Variants in CDH13 observed in about 807,000 individuals in gnomAD.
The protein encoded by CDH13 is cadherin 13, also known as cadherin-13.
In CDH13, 24 loss-of-function variants were observed where a neutral mutation model predicts 63.8. The ratio of observed to expected loss-of-function variants is 0.38; its 90% confidence interval spans 0.27 to 0.53. CDH13 has a LOEUF of 0.53. Ranked by LOEUF, CDH13 falls within the 20% of genes least tolerant of loss-of-function variation. The pLI is 0.85. For synonymous variants in CDH13, 503 were observed against 355.3 expected (o/e 1.42, Z -4.67); for missense variants, 1,049 against 903.1 (o/e 1.16, Z -2.07).
intron 4 of CDH13, among the ~76,000 whole-genome samples, chr16:83,165,673 T>TG (rs1345912058): frequency 1.3e-5 from 2 of 152,044 alleles, no homozygotes; most frequent in African/African-American, 4.8e-5. Context: ...CAGTGACATA[T>TG]GTGTAAGTTA....
intron 2 of CDH13, among the ~76,000 whole-genome samples, chr16:82,997,531 A>G (rs72792158): frequency 0.13 from 19,398 of 152,210 alleles, 1,619 homozygotes; most frequent in African/African-American, 0.24. Context: ...GGTTCTGTAC[A>G]TGCACAATAT....
At chr16:82,764,439 C>A (rs1214873469) in intron 1 of CDH13, among the ~76,000 whole-genome samples, 1 of 152,144 alleles carries the variant, frequency 6.6e-6, no homozygotes, top group East Asian at 1.9e-4. Context: ...AGTCTCAAAT[C>A]TATGTTCAGA....
chr16:83,675,343 C>T (rs954662650), intron 9 of CDH13, among the ~76,000 whole-genome samples: 1 of 152,166 alleles, frequency 6.6e-6, no homozygotes, highest in Admixed American at 6.5e-5. Context: ...TGGAAATAAA[C>T]ATTAGCATGG....
rs560680760 is a variant in CDH13 at position 83,543,685 on chromosome 16, G to A, written c.960+57030G>A. Among the ~76,000 whole-genome samples, 50 of 152,254 alleles carry A rather than the reference G, an allele frequency of 3.3e-4. No homozygotes were observed. The South Asian group carries it at 5.0e-3, about 15-fold the overall frequency. On this transcript the variant is annotated intron_variant, in intron 7 of 13. Coordinates refer to ENST00000567109, the MANE Select transcript of CDH13 (RefSeq NM_001257.5). ...TAGAGACATGTTTTGGTTGTCTGTCGTGAGAGCAGAGTGTATTCCCATTCC... is the reference window on the plus strand; with the variant it reads ...TAGAGACATGTTTTGGTTGTCTGTCATGAGAGCAGAGTGTATTCCCATTCC...
chr16:83,053,856 G>T (rs547662596), intron 3 of CDH13, among the ~76,000 whole-genome samples: 7 of 152,190 alleles, frequency 4.6e-5, no homozygotes, highest in Middle Eastern at 3.4e-3. Context: ...GACCCCGACC[G>T]GGTACCTGAA....
chr16:82,864,591 A>G (rs1368270045), intron 2 of CDH13, among the ~76,000 whole-genome samples: 1 of 151,994 alleles, frequency 6.6e-6, no homozygotes, highest in East Asian at 1.9e-4. Flanking sequence ...GCATAGAGAA[A>G]ACTGCCCCCG....
intron 3 of CDH13, among the ~76,000 whole-genome samples, chr16:83,123,060 A>G (rs1376192093): frequency 6.6e-6 from 1 of 151,968 alleles, no homozygotes; most frequent in Non-Finnish European, 1.5e-5. Flanking sequence ...CCTTTGGATC[A>G]TGTCTTCCGG....
At position 82,906,944 on chromosome 16, in the gene CDH13, C is replaced by G. The variant is rs147717406; in HGVS notation, c.157+48471C>G. 2.1e-3 allele frequency among the ~76,000 whole-genome samples: 313 copies of G among 152,226 alleles called. 1 individual carries two copies. The highest frequency in any genetic ancestry group is 6.9e-3 in the African/African-American group (286 of 41,542). On this transcript the variant is annotated intron_variant, in intron 2 of 13. Coordinates refer to ENST00000567109, the MANE Select transcript of CDH13 (RefSeq NM_001257.5). ...AGAGCCTACCCTAATCTAAAATGAC[C>G]GTAACTTTGTCACATCTGCAAAGGC...
chr16:83,200,460 A>G (rs2038993167), intron 4 of CDH13, among the ~76,000 whole-genome samples: 1 of 152,140 alleles, frequency 6.6e-6, no homozygotes, highest in Non-Finnish European at 1.5e-5. Context: ...CTCATCTTAC[A>G]CAGAACAGAT....
intron 1 of CDH13, among the ~76,000 whole-genome samples, chr16:82,710,233 TTATA>T (rs1457845244): frequency 2.6e-3 from 383 of 146,670 alleles, no homozygotes; most frequent in Non-Finnish European, 4.2e-3. Flanking sequence ...ATTCATAAAT[TTATA>T]TATAAATATA....
At chr16:83,744,487 C>T (rs1177623542) in intron 10 of CDH13, among the ~76,000 whole-genome samples, 1 of 152,248 alleles carries the variant, frequency 6.6e-6, no homozygotes, top group African/African-American at 2.4e-5. Context: ...GCAGCAAGGG[C>T]ATGTGGAAGC....
At chr16:83,173,371 T>A (rs893128511) in intron 4 of CDH13, among the ~76,000 whole-genome samples, 11 of 152,166 alleles carry the variant, frequency 7.2e-5, no homozygotes, top group African/African-American at 2.7e-4. Flanking sequence ...TCAGAGCTTT[T>A]AAATATGCTA....
chr16:83,532,565 C>G (rs11149575), intron 7 of CDH13, among the ~76,000 whole-genome samples: 57,879 of 152,142 alleles, frequency 0.38, 12,177 homozygotes, highest in Non-Finnish European at 0.46. Flanking sequence ...TGCATGGTAG[C>G]TTCTCCATAA....
At chr16:82,633,502 C>A (rs964341478) in intron 1 of CDH13, among the ~76,000 whole-genome samples, 2 of 152,212 alleles carry the variant, frequency 1.3e-5, no homozygotes, top group Non-Finnish European at 2.9e-5. Flanking sequence ...CCTCAGCCTC[C>A]CAAGTAGCTG....
At chr16:83,778,742 T>C (rs185051) in intron 11 of CDH13, among the ~76,000 whole-genome samples, 123,016 of 152,154 alleles carry the variant, frequency 0.81, 49,787 homozygotes, top group Admixed American at 0.84. Context: ...AACCCAGCTT[T>C]CTAAATCTGT....
At chr16:83,508,652 T>C (rs2074481011) in intron 7 of CDH13, among the ~76,000 whole-genome samples, 1 of 152,190 alleles carries the variant, frequency 6.6e-6, no homozygotes, top group Non-Finnish European at 1.5e-5. Flanking sequence ...ATGACCCCAG[T>C]GAGTTTGAAC....
At chr16:83,107,998 T>C (rs577449442) in intron 3 of CDH13, among the ~76,000 whole-genome samples, 107 of 152,194 alleles carry the variant, frequency 7.0e-4, no homozygotes, top group Non-Finnish European at 1.5e-3. Context: ...AATTTTTGTA[T>C]TTTTAGTAGA....
chr16:82,813,435 T>C (rs554353705), intron 1 of CDH13, among the ~76,000 whole-genome samples: 3 of 152,286 alleles, frequency 2.0e-5, no homozygotes, highest in African/African-American at 7.2e-5. Flanking sequence ...TAAAACCTTA[T>C]TGACTGATGT....
At chr16:83,068,618 C>T (rs1038917076) in intron 3 of CDH13, among the ~76,000 whole-genome samples, 16 of 152,244 alleles carry the variant, frequency 1.1e-4, no homozygotes, top group African/African-American at 3.6e-4. Flanking sequence ...TAAGCCTTTG[C>T]CATCACCAAA....
Sources: allele counts gnomAD v4.1 joint callset (sites outside exome capture counted in the v4.1 genomes callset), GRCh38; gene constraint gnomAD v4.1.1; transcripts MANE v1.5; gene names NCBI Gene and HGNC (gene_info 2026-07-23, HGNC 2026-07-21).